Variants in MARCHF8 observed in about 807,000 individuals in gnomAD.
MARCHF8 encodes the protein membrane associated ring-CH-type finger 8.
A neutral mutation model predicts 51.6 loss-of-function variants in MARCHF8; 40 were observed. The ratio of observed to expected loss-of-function variants is 0.77; its 90% CI spans 0.60 to 1.01. MARCHF8 has a LOEUF of 1.01. Ranked by LOEUF, MARCHF8 falls within the 50% of genes least tolerant of loss-of-function variation. The probability of loss-of-function intolerance (pLI) is 0.00; values close to 1 mark genes in which losing one functional copy is unlikely to be tolerated. For synonymous variants in MARCHF8, 263 were observed against 280.3 expected, an observed-to-expected ratio of 0.94 and a Z score of 0.62; for missense variants, 685 against 708.6, an observed-to-expected ratio of 0.97 and a Z score of 0.38.
At position 45,585,323 on chromosome 10, in the gene MARCHF8, T is replaced by A. The variant is rs577494179; in HGVS notation, c.-79+8912A>T. Among the ~76,000 whole-genome samples, 202 of 152,038 alleles carry A rather than the reference T, an allele frequency of 1.3e-3. 1 individual carries two copies. Among genetic ancestry groups the A allele is most frequent in the African/African-American group, 4.4e-3 (182 of 41,442 alleles). On this transcript the variant is annotated intron_variant, in intron 1 of 6. Transcript: ENST00000319836. ...ACCACTGCTCATGATAGAAAAAAAATGGACAATCCAGTCATTCATCAGTAC... is the reference window on the plus strand; with the variant it reads ...ACCACTGCTCATGATAGAAAAAAAAAGGACAATCCAGTCATTCATCAGTAC...
At chr10:45,460,958 T>C (rs1842766681) in intron 6 of MARCHF8, 1 of 335,340 alleles carries the variant, frequency 3.0e-6, no homozygotes, top group South Asian at 8.6e-5. Flanking sequence ...AAACAGTCTG[T>C]AGTCAAAGGC....
rs551205929 is a variant in MARCHF8 at position 45,553,215 on chromosome 10, A to T, written c.-78-19926T>A. On this transcript the variant is annotated intron_variant, in intron 1 of 6. Transcript: ENST00000319836. ...AGCAAGACCCCATCTCTACAAAAAA[A>T]ATTTACATTTAAAAAAAAAGATAGA... 2.6e-5 allele frequency: 4 copies of T among 152,174 alleles called. No individual in the cohort carries two copies. In the South Asian group the frequency reaches 8.3e-4, roughly 32 times the overall value. The allele number at this position is 152,174 out of a possible 1,614,324, so 9.4% of individuals were successfully genotyped here. A position where few individuals can be genotyped will look rare whatever the true frequency, so the allele number is the denominator to read the frequency against.
chr10:45,541,281 G>A (rs1422537999), intron 1 of MARCHF8, among the ~76,000 whole-genome samples: 1 of 152,186 alleles, frequency 6.6e-6, no homozygotes, highest in African/African-American at 2.4e-5. Context: ...GGACATGGAT[G>A]AAGCTGGAAA....
intron 2 of MARCHF8, among the ~76,000 whole-genome samples, chr10:45,526,368 C>T (rs924459762): frequency 3.3e-5 from 5 of 152,158 alleles, no homozygotes; most frequent in Non-Finnish European, 5.9e-5. Context: ...GCTCCACATT[C>T]CCACCATGGA....
chr10:45,482,824 C>G (rs1432994730), intron 3 of MARCHF8, among the ~76,000 whole-genome samples: 1 of 152,124 alleles, frequency 6.6e-6, no homozygotes, highest in Admixed American at 6.5e-5. Flanking sequence ...ATCAACAACA[C>G]AGAAATAAAT....
intron 3 of MARCHF8, among the ~76,000 whole-genome samples, chr10:45,483,049 C>T (rs866281125): frequency 6.6e-6 from 1 of 152,084 alleles, no homozygotes; most frequent in African/African-American, 2.4e-5. Context: ...TAGAAGAAAA[C>T]ACAGGGATTA....
At chr10:45,471,720 G>A (rs555786394) in intron 3 of MARCHF8, among the ~76,000 whole-genome samples, 2 of 152,222 alleles carry the variant, frequency 1.3e-5, no homozygotes, top group African/African-American at 4.8e-5. Context: ...GCACACTACC[G>A]AGCAGGAGTT....
chr10:45,467,188 G>A (rs1055440200), intron 3 of MARCHF8, among the ~76,000 whole-genome samples: 1 of 152,132 alleles, frequency 6.6e-6, no homozygotes, highest in Non-Finnish European at 1.5e-5. Context: ...AACATTACAG[G>A]ATACTCTCAG....
At chr10:45,524,185 T>C (rs1369072144) in intron 2 of MARCHF8, among the ~76,000 whole-genome samples, 1 of 152,188 alleles carries the variant, frequency 6.6e-6, no homozygotes, top group Non-Finnish European at 1.5e-5. Flanking sequence ...TTTTAATCTC[T>C]AGAAAAACAT....
At position 45,559,516 on chromosome 10, in the gene MARCHF8, C is replaced by T. The variant is rs140217590; in HGVS notation, c.-78-26227G>A. Among the ~76,000 whole-genome samples, 396 of 152,330 alleles carry T rather than the reference C, an allele frequency of 2.6e-3. 2 individuals are homozygous for T. The highest frequency in any genetic ancestry group is 9.0e-3 in the African/African-American group (373 of 41,582). ...GATTACGGGCATGCGCCACCACGCC[C>T]AGCTAATGTTTGTATTTTTTAGTAG... On this transcript the variant is annotated intron_variant, in intron 1 of 6. Transcript: ENST00000319836.
chr10:45,528,083 G>GT (rs2043821041), intron 2 of MARCHF8, among the ~76,000 whole-genome samples: 1 of 152,132 alleles, frequency 6.6e-6, no homozygotes, highest in African/African-American at 2.4e-5. Context: ...ACAACTTGGT[G>GT]TAGTAGGAAC....
At chr10:45,582,264 G>C (rs569207941) in intron 1 of MARCHF8, among the ~76,000 whole-genome samples, 1 of 152,184 alleles carries the variant, frequency 6.6e-6, no homozygotes, top group African/African-American at 2.4e-5. Flanking sequence ...GGAATTAACT[G>C]TTAGGAGTGT....
At chr10:45,513,640 C>T (rs773826852) in intron 2 of MARCHF8, among the ~76,000 whole-genome samples, 18 of 152,182 alleles carry the variant, frequency 1.2e-4, no homozygotes, top group Middle Eastern at 3.4e-3. Flanking sequence ...CATGTCCCCA[C>T]AGCTCAAGAA....
chr10:45,543,565 G>A (rs1160301319), intron 1 of MARCHF8, among the ~76,000 whole-genome samples: 2 of 152,082 alleles, frequency 1.3e-5, no homozygotes, highest in African/African-American at 4.8e-5. Context: ...TTGGGAGGCC[G>A]AGGCAGGCGG....
chr10:45,569,389 T>G (rs756241270), intron 1 of MARCHF8, among the ~76,000 whole-genome samples: 1 of 152,210 alleles, frequency 6.6e-6, no homozygotes, highest in Non-Finnish European at 1.5e-5. Context: ...TCTGTTGATA[T>G]CATGTACCAT....
chr10:45,594,542 C>G (rs1276534809), exon 1 of MARCHF8: 2 of 152,284 alleles, frequency 1.3e-5, no homozygotes, highest in Non-Finnish European at 2.9e-5. Flanking sequence ...AGTCGCGCTG[C>G]CTCTCCGCGG....
intron 1 of MARCHF8, among the ~76,000 whole-genome samples, chr10:45,564,585 C>T (rs1196934005): frequency 2.6e-5 from 4 of 151,892 alleles, no homozygotes; most frequent in Non-Finnish European, 5.9e-5. Flanking sequence ...GATGCAATAA[C>T]CAAAAACTTC....
At position 45,456,092 on chromosome 10, in the gene MARCHF8, C is replaced by G. The variant is rs1842596439; in HGVS notation, c.*2147G>C. ...TTAGAAAATCTATCCTGGTCTTCAC[C>G]TGAAACACTCATCTACTGCTGGGTG... is the stretch of plus-strand genomic sequence containing the variant. On this transcript the variant is annotated 3_prime_UTR_variant, in exon 8 of 8. Coordinates refer to ENST00000453424, the MANE Select transcript of MARCHF8 (RefSeq NM_001282866.2). The G allele has an allele frequency of 6.6e-6, 1 of 152,272 alleles. No homozygotes were observed. The allele number at this position is 152,272 out of a possible 1,614,324, so 9.4% of individuals were successfully genotyped here.
intron 2 of MARCHF8, among the ~76,000 whole-genome samples, chr10:45,518,618 C>T (rs2043657235): frequency 6.6e-6 from 1 of 152,214 alleles, no homozygotes; most frequent in South Asian, 2.1e-4. Context: ...TTGCTCTGAC[C>T]TTTACTGTAC....
Sources: allele counts gnomAD v4.1 joint callset (sites outside exome capture counted in the v4.1 genomes callset), GRCh38; gene constraint gnomAD v4.1.1; transcripts MANE v1.5; gene names NCBI Gene and HGNC (gene_info 2026-07-23, HGNC 2026-07-21).